The following PLA2G4D variants were observed in gnomAD, a reference collection of about 807,000 sequenced individuals.
PLA2G4D encodes cytosolic phospholipase A2 delta.
A neutral mutation model predicts 94.4 loss-of-function variants in PLA2G4D; 80 were observed. The ratio of observed to expected loss-of-function variants is 0.85; its 90% CI spans 0.71 to 1.02. The LOEUF (loss-of-function observed/expected upper bound fraction) is 1.02. Ranked by LOEUF, PLA2G4D falls within the 50% of genes least tolerant of loss-of-function variation. The probability of loss-of-function intolerance (pLI) is 0.00; values close to 1 mark genes in which losing one functional copy is unlikely to be tolerated. For missense variants in PLA2G4D, 1,050 were observed against 1,034.7 expected (o/e 1.01, Z -0.20); for synonymous variants, 438 against 440.9 (o/e 0.99, Z 0.08).
At chr15:42,094,076 G>A (rs909995812) in intron 1 of PLA2G4D, among the ~76,000 whole-genome samples, 7 of 152,110 alleles carry the variant, frequency 4.6e-5, no homozygotes, top group Non-Finnish European at 1.0e-4. Flanking sequence ...GAAGTCTGCC[G>A]GCCTGTGGTG....
rs746675805 is a variant in PLA2G4D, at chr15:42,071,345, CCTTCTTCCCCTTA to C, written c.1682-41_1682-29del. The C allele has an allele frequency of 1.7e-4, 259 of 1,566,090 alleles. 2 individuals carry two copies. The Middle Eastern group carries it at 5.0e-3, about 30-fold the overall frequency. The stretch of plus-strand genomic sequence containing the variant: ...GAAGCCAGAGAAACAGAAATTGGTC[CCTTCTTCCCCTTA>C]CTTCTTCCCCTCAGACACCGCACAC... On this transcript the variant is annotated intron_variant, in intron 16 of 19. Transcript: ENST00000290472.
Position 42,072,377 on chromosome 15 carries a change from G to C in PLA2G4D, c.1333C>G (p.Leu445Val). 6.2e-7 allele frequency: 1 copy of C among 1,612,922 alleles called. No individual in the cohort carries two copies. Among genetic ancestry groups the C allele is most frequent in the Non-Finnish European group, 8.5e-7 (1 of 1,179,894 alleles). The change falls in exon 14 of 20, where the codon CTG becomes GTG. Residue 445 changes from leucine (L) to valine (V), a missense_variant. Leu to Val is a conservative substitution (Grantham distance 32, BLOSUM62 1). Coordinates refer to ENST00000290472, the MANE Select transcript of PLA2G4D (RefSeq NM_178034.4). ...MLHGQVMDQKLSGQRAALERG... is the reference protein window; with the variant it reads ...MLHGQVMDQKVSGQRAALERG... ...TCCAGGGCGGCTCTCTGTCCTGACA[G>C]CTTCTGATCCATCACCTGGGGCCAG... is the stretch of plus-strand genomic sequence containing the variant.
intron 1 of PLA2G4D, among the ~76,000 whole-genome samples, chr15:42,090,240 T>C (rs895639787): frequency 6.6e-6 from 1 of 152,210 alleles, no homozygotes; most frequent in African/African-American, 2.4e-5. Flanking sequence ...CTTAAAATGT[T>C]AATGCCTGCA....
At chr15:42,071,738 A>AG in intron 15 of PLA2G4D, 36 bp downstream of exon 15, 2 of 1,452,528 alleles carry the variant, frequency 1.4e-6, no homozygotes, top group Non-Finnish European at 1.8e-6. Flanking sequence ...CACCTGGCCC[A>AG]GGGCTGCCCA....
intron 1 of PLA2G4D, among the ~76,000 whole-genome samples, chr15:42,090,432 T>C (rs184090342): frequency 5.3e-4 from 80 of 152,312 alleles, no homozygotes; most frequent in Admixed American, 1.7e-3. Context: ...TATTTACATG[T>C]CTGAGATGAG....
In PLA2G4D at chr15:42,081,493, G is replaced by A. The variant is rs116725664; in HGVS notation, c.943C>T (p.Leu315=). The A allele has an allele frequency of 4.0e-3, 6,406 of 1,613,920 alleles. 171 individuals carry two copies. In the African/African-American group the frequency reaches 0.068, roughly 17 times the overall value. The part of the protein sequence containing the change: ...LKQALQLDRD[L]QEDEVPVVGI... ...CACCCCCAGACCTCATCCTCCTGCA[G>A]GTCTCTGTCCAGCTGCAGGGCCTGC... Residue 315 remains leucine (L), a synonymous_variant, in exon 11 of 20, where the codon CTG becomes TTG. Coordinates refer to ENST00000290472, the MANE Select transcript of PLA2G4D (RefSeq NM_178034.4).
intron 19 of PLA2G4D, among the ~76,000 whole-genome samples, chr15:42,069,671 C>T (rs1376188164): frequency 6.6e-6 from 1 of 151,960 alleles, no homozygotes; most frequent in East Asian, 1.9e-4. Context: ...TGCAGGAGCC[C>T]GGCATCATGA....
Position 42,072,516 on chromosome 15 carries a change from T to A in PLA2G4D, c.1318-124A>T. ...TGAGGAGGCAGCTCCTCCCGTGGGG[T>A]CTGGGGACCATATGTGGGTCAGTTC... On this transcript the variant is annotated intron_variant, in intron 13 of 19. Transcript: ENST00000290472. The A allele has an allele frequency of 4.1e-6, 3 of 737,322 alleles. No individual in the cohort carries two copies. In the South Asian group the frequency reaches 4.9e-5, roughly 12 times the overall value. 45.7% of individuals were successfully genotyped at this position (737,322 alleles called of 1,614,324 possible). A position where few individuals can be genotyped will look rare whatever the true frequency, so the allele number is the denominator to read the frequency against.
chr15:42,083,378 A>C, intron 7 of PLA2G4D, 44 bp from the exon 8 acceptor site: 1 of 1,584,626 alleles, frequency 6.3e-7, no homozygotes, highest in African/African-American at 1.3e-5. Context: ...AAGAGCCCGG[A>C]ACCCCAGCTC....
At chr15:42,070,180 T>A in intron 18 of PLA2G4D, 85 bp from the exon 19 acceptor site, 1 of 1,275,444 alleles carries the variant, frequency 7.8e-7, no homozygotes, top group East Asian at 3.1e-5. Context: ...GCTGCTTCAG[T>A]GTCAAGACAA....
rs573702935 is a variant in PLA2G4D, at chr15:42,073,651, A to T, written c.1318-1259T>A. Among the ~76,000 whole-genome samples the T allele has an allele frequency of 7.9e-5, 12 of 152,312 alleles. No individual in the cohort carries two copies. In the East Asian group the frequency reaches 2.3e-3, roughly 29 times the overall value. ...CCCTTATCATCAGAGTGACTCAGTG[A>T]ATGTGTACACGTGAGAGCATGTGAA... On this transcript the variant is annotated intron_variant, in intron 13 of 19. Transcript: ENST00000290472.
Position 42,070,877 on chromosome 15 carries a change from T to G in PLA2G4D, c.1883A>C (p.Gln628Pro), listed in dbSNP as rs750891398. ...CAGCTGGCTGGGCATGGAGTCAAGC[T>G]GGTAGTCTGGTGGGAATCGCAGGAT... ...HKDFSTWADYQLDSMPSQLTP... is the reference protein window; with the variant it reads ...HKDFSTWADYPLDSMPSQLTP... Residue 628 changes from glutamine to proline, a missense_variant, in exon 18 of 20, where the codon CAG (glutamine) becomes CCG (proline). Transcript: ENST00000290472. 8.1e-6 allele frequency: 13 copies of G among 1,611,356 alleles called. No individual in the cohort carries two copies. The highest frequency in any genetic ancestry group is 1.1e-5 in the Non-Finnish European group (13 of 1,178,974).
rs780877012 is a variant in PLA2G4D, at chr15:42,087,337, T to C, written c.218A>G (p.Asn73Ser). Residue 73 changes from asparagine (N) to serine (S), a missense_variant, in exon 3 of 20, where the codon AAT becomes AGT. Physicochemically the swap from Asn to Ser is conservative, Grantham distance 46. Transcript: ENST00000290472. ...TLTDTSHPVW[N>S]EAFRFLIQSQ... is the part of the protein sequence containing the mutation. ...TTGGATAAGGAAACGGAAGGCCTCA[T>C]TCCACACAGGATGACTGGTGTCGGT... The C allele has an allele frequency of 6.2e-7, 1 of 1,614,172 alleles. No individual in the cohort carries two copies. The highest frequency in any genetic ancestry group is 8.5e-7 in the Non-Finnish European group (1 of 1,180,022).
At chr15:42,081,269 C>G (rs1890032423) in intron 11 of PLA2G4D, 136 bp from the exon 12 acceptor site, 12 of 1,452,674 alleles carry the variant, frequency 8.3e-6, no homozygotes, top group Non-Finnish European at 1.1e-5. Flanking sequence ...AGGGTTAGAG[C>G]TGGGTCCAGC....
chr15:42,091,682 T>C (rs1890248300), intron 1 of PLA2G4D, among the ~76,000 whole-genome samples: 1 of 152,144 alleles, frequency 6.6e-6, no homozygotes, highest in South Asian at 2.1e-4. Context: ...GGCCTAACCA[T>C]CTCCCTGTGA....
chr15:42,082,224 G>C (rs1359577055), intron 9 of PLA2G4D, 55 bp downstream of exon 9: 2 of 1,451,078 alleles, frequency 1.4e-6, no homozygotes, highest in Non-Finnish European at 1.9e-6. Context: ...GAGCCACAGA[G>C]CCCAGCCTTA....
chr15:42,071,940 T>C, intron 14 of PLA2G4D, 29 bp from the exon 15 acceptor site: 2 of 1,609,350 alleles, frequency 1.2e-6, no homozygotes, highest in Non-Finnish European at 1.7e-6. Context: ...GAGGCAGGAG[T>C]GTGAGGGGAG....
rs752831939 is a variant in PLA2G4D, at chr15:42,081,025, A to G, written c.1066T>C (p.Tyr356His). ...GTAGAGCCAGAGATGCCACTGAAGTAGGTCACACAGTCTAGGAGGCCCAGC... is the reference window on the plus strand; with the variant it reads ...GTAGAGCCAGAGATGCCACTGAAGTGGGTCACACAGTCTAGGAGGCCCAGC... ...QKLGLLDCVT[Y>H]FSGISGSTWT... The change falls in exon 12 of 20, where the codon TAC becomes CAC. Residue 356 changes from tyrosine (Y) to histidine (H), a missense_variant. By Grantham distance (83) the Tyr-to-His change is moderately conservative (BLOSUM62 2). Transcript: ENST00000290472. 2.5e-6 allele frequency: 4 copies of G among 1,614,102 alleles called. No individual in the cohort carries two copies. The East Asian group carries it at 6.7e-5, about 27-fold the overall frequency.
chr15:42,069,975 G>A lies in PLA2G4D; in HGVS notation c.2164C>T (p.Pro722Ser), dbSNP rs1889769673. The A allele has an allele frequency of 2.7e-6, 4 of 1,476,896 alleles. No homozygotes were observed. Among genetic ancestry groups the A allele is most frequent in the Admixed American group, 5.7e-5 (2 of 35,340 alleles). 91.5% of individuals were successfully genotyped at this position (1,476,896 alleles called of 1,614,324 possible). The change falls in exon 19 of 20, where the codon CCC (proline) becomes TCC (serine). Residue 722 changes from proline (P) to serine (S), a missense_variant. Transcript: ENST00000290472. Reference sequence around the variant, plus strand: ...AAGTGCAGCAGGATCGGGGCCTCGGGGCAGGCGGGGTCTGAGAAGAGGTGG... The same window carrying A: ...AAGTGCAGCAGGATCGGGGCCTCGGAGCAGGCGGGGTCTGAGAAGAGGTGG... Reference protein sequence around the residue: ...ECHLFSDPACPEAPILLHFPL... With the variant: ...ECHLFSDPACSEAPILLHFPL...
Sources: gnomAD v4.1 joint callset for allele counts (sites outside exome capture counted in the v4.1 genomes callset) on GRCh38, gnomAD v4.1.1 for gene constraint, MANE v1.5 for transcripts, NCBI Gene and HGNC (gene_info 2026-07-23, HGNC 2026-07-21) for gene names.